SNX31: variants seen among roughly 807,000 people sequenced by gnomAD.
SNX31 encodes sorting nexin-31.
In SNX31, 58 loss-of-function variants were observed where a neutral mutation model predicts 65.4. That is an observed-to-expected ratio of 0.89 (90% confidence interval 0.72 to 1.10). The LOEUF (loss-of-function observed/expected upper bound fraction) is 1.10, where lower values mean the gene tolerates loss of function less well. Ranked by LOEUF, SNX31 falls within the 50% of genes least tolerant of loss-of-function variation. SNX31 has a pLI of 0.00. For missense variants in SNX31, 523 were observed against 529.7 expected (o/e 0.99, Z 0.12); for synonymous variants, 181 against 190.1 (o/e 0.95, Z 0.39).
rs1819765675 is a variant in SNX31, at chr8:100,648,132, G to T, written c.141+1142C>A. Reference sequence around the variant, plus strand: ...TGCACTGTGATGTATGAGCAAGAAGGCTTGCTACAGTGACAATTTAATAGC... The same window carrying T: ...TGCACTGTGATGTATGAGCAAGAAGTCTTGCTACAGTGACAATTTAATAGC... On this transcript the variant is annotated intron_variant, in intron 2 of 13. Coordinates refer to ENST00000311812, the MANE Select transcript of SNX31 (RefSeq NM_152628.4). The surrounding 1 kb of genome is among the most constrained non-coding windows in gnomAD (Gnocchi z 4.3). Among the ~76,000 whole-genome samples, 2 of 152,156 alleles carry T rather than the reference G, an allele frequency of 1.3e-5. No individual in the cohort carries two copies. The highest frequency in any genetic ancestry group is 4.8e-5 in the African/African-American group (2 of 41,436).
At chr8:100,587,324 A>G (rs1814134492) in intron 11 of SNX31, among the ~76,000 whole-genome samples, 1 of 152,138 alleles carries the variant, frequency 6.6e-6, no homozygotes, top group Non-Finnish European at 1.5e-5. Context: ...AAAATGTGAA[A>G]CTTTTTGAGC....
At chr8:100,659,381 TG>T (rs1320534149) in intron 1 of SNX31, among the ~76,000 whole-genome samples, 1 of 115,480 alleles carries the variant, frequency 8.7e-6, no homozygotes, top group South Asian at 2.8e-4. Context: ...AAAAAAAGCG[TG>T]GGGGGACATC....
chr8:100,581,668 G>A lies in SNX31; in HGVS notation c.1170+2443C>T, dbSNP rs74407679. Among the ~76,000 whole-genome samples, 476 of 152,060 alleles carry A rather than the reference G, an allele frequency of 3.1e-3. 3 individuals are homozygous for A. Among genetic ancestry groups the A allele is most frequent in the African/African-American group, 9.3e-3 (387 of 41,436 alleles). Reference sequence around the variant, plus strand: ...TTAAGATGATCAAAATCTTGGACTCGGAACCTGCCCTGCAAAATAGAGACC... The same window carrying A: ...TTAAGATGATCAAAATCTTGGACTCAGAACCTGCCCTGCAAAATAGAGACC... On this transcript the variant is annotated intron_variant, in intron 12 of 13. Coordinates refer to ENST00000311812, the MANE Select transcript of SNX31 (RefSeq NM_152628.4).
At chr8:100,632,596 G>A (rs1050774596) in intron 3 of SNX31, among the ~76,000 whole-genome samples, 1 of 151,974 alleles carries the variant, frequency 6.6e-6, no homozygotes, top group South Asian at 2.1e-4. Context: ...AGCTACAAAG[G>A]ACATTAGTAT....
intron 1 of SNX31, among the ~76,000 whole-genome samples, chr8:100,661,666 C>CTA (rs1041254842): frequency 6.6e-6 from 1 of 151,202 alleles, no homozygotes; most frequent in Non-Finnish European, 1.5e-5. Context: ...GGAGCTGGGA[C>CTA]TATAACATGC....
chr8:100,619,518 A>C (rs1357119448), intron 4 of SNX31, among the ~76,000 whole-genome samples: 4 of 152,222 alleles, frequency 2.6e-5, no homozygotes, highest in Non-Finnish European at 4.4e-5. Context: ...AGGCCATCAG[A>C]GTTCAGGGAA....
chr8:100,647,324 G>A (rs969940608), intron 2 of SNX31, among the ~76,000 whole-genome samples: 1 of 152,102 alleles, frequency 6.6e-6, no homozygotes, highest in Non-Finnish European at 1.5e-5. Context: ...AGGGCACTGA[G>A]CCATGGTAAT....
intron 1 of SNX31, among the ~76,000 whole-genome samples, chr8:100,659,947 A>C (rs1454946646): frequency 6.6e-6 from 1 of 152,048 alleles, no homozygotes; most frequent in Non-Finnish European, 1.5e-5. Flanking sequence ...TCTTTGATCT[A>C]CTGACACCTC....
intron 5 of SNX31, among the ~76,000 whole-genome samples, chr8:100,616,815 G>C (rs1817246090): frequency 6.6e-6 from 1 of 152,168 alleles, no homozygotes; most frequent in South Asian, 2.1e-4. Context: ...GCTCAGAAAG[G>C]GTCAGACACC....
chr8:100,596,857 G>A lies in SNX31; in HGVS notation c.775-15C>T, dbSNP rs1353166543. 2 of 1,612,282 alleles carry A rather than the reference G, an allele frequency of 1.2e-6. No individual in the cohort carries two copies. Among genetic ancestry groups the A allele is most frequent in the African/African-American group, 2.7e-5 (2 of 74,862 alleles). On this transcript the variant is annotated splice_polypyrimidine_tract_variant and intron_variant, in intron 9 of 13. Coordinates refer to ENST00000311812, the MANE Select transcript of SNX31 (RefSeq NM_152628.4). ...AGCTCCAAAAACTGCTCCAAAGAGG[G>A]TGATGTGGGGGGAGGGGAGGCAAGA...
intron 2 of SNX31, among the ~76,000 whole-genome samples, chr8:100,645,661 G>A (rs1819580054): frequency 7.0e-6 from 1 of 142,576 alleles, no homozygotes; most frequent in African/African-American, 2.7e-5. Flanking sequence ...ACCCAGGTTG[G>A]AGTGCAGTGG....
In SNX31 at chr8:100,649,462, C is replaced by T; in HGVS notation, c.53G>A (p.Gly18Glu). The change falls in exon 1 of 14, where the codon GGG (glycine) becomes GAG (glutamate). Residue 18 changes from glycine to glutamate, a missense_variant. By Grantham distance (98) the Gly-to-Glu change is moderately conservative. Coordinates refer to ENST00000311812, the MANE Select transcript of SNX31 (RefSeq NM_152628.4). ...PVSQQRSDAL[G>E]GRYVLYSVHL... ...CCCTGGGCGCACCACGTAGCGGCCC[C>T]CCAGCGCGTCGGACCGCTGCTGGGA... 4 of 1,587,958 alleles carry T rather than the reference C, an allele frequency of 2.5e-6. No homozygotes were observed. Among genetic ancestry groups the T allele is most frequent in the Non-Finnish European group, 3.4e-6 (4 of 1,167,900 alleles).
At chr8:100,601,588 C>T (rs1815630663) in intron 8 of SNX31, among the ~76,000 whole-genome samples, 1 of 152,098 alleles carries the variant, frequency 6.6e-6, no homozygotes, top group Admixed American at 6.6e-5. Flanking sequence ...TGAACTCTTC[C>T]ACATTTGCAA....
In SNX31 at chr8:100,575,222, G is replaced by A. The variant is rs1358660272; in HGVS notation, c.1228-1262C>T. On this transcript the variant is annotated intron_variant, in intron 13 of 13. Coordinates refer to ENST00000311812, the MANE Select transcript of SNX31 (RefSeq NM_152628.4). The surrounding 1 kb of genome is among the most constrained non-coding windows in gnomAD (Gnocchi z 5.1). ...TAAAGACTGCTTGGGTTCAAATACT[G>A]GCTCTGATATTAACTGACTGTGTGA... 1.3e-5 allele frequency among the ~76,000 whole-genome samples: 2 copies of A among 152,144 alleles called. No individual in the cohort carries two copies. The highest frequency in any genetic ancestry group is 3.9e-4 in the East Asian group (2 of 5,190).
intron 12 of SNX31, among the ~76,000 whole-genome samples, chr8:100,581,852 G>T (rs1813587026): frequency 6.6e-6 from 1 of 152,154 alleles, no homozygotes; most frequent in Non-Finnish European, 1.5e-5. Flanking sequence ...AGGGGGCCCA[G>T]CACTCAGGAT....
At chr8:100,586,061 C>A (rs766163143) in intron 11 of SNX31, among the ~76,000 whole-genome samples, 53 of 152,256 alleles carry the variant, frequency 3.5e-4, no homozygotes, top group Admixed American at 6.5e-4. Flanking sequence ...GCTGGGATTA[C>A]AGGTGCCTGC....
At chr8:100,624,879 G>A (rs371810977) in intron 4 of SNX31, among the ~76,000 whole-genome samples, 4 of 151,988 alleles carry the variant, frequency 2.6e-5, no homozygotes, top group East Asian at 3.9e-4. Flanking sequence ...ATAGCTCACC[G>A]TAGCCTCAAA....
chr8:100,632,970 C>T (rs1000603414), intron 3 of SNX31, among the ~76,000 whole-genome samples: 1 of 152,064 alleles, frequency 6.6e-6, no homozygotes, highest in African/African-American at 2.4e-5. Flanking sequence ...TGTTGCCCAG[C>T]ATGGAGTGCA....
Position 100,573,769 on chromosome 8 carries a change from T to C in SNX31, c.*96A>G. On this transcript the variant is annotated 3_prime_UTR_variant, in exon 14 of 14. Transcript: ENST00000311812. Reference sequence around the variant, plus strand: ...CCAAAAAAATGGGAAGAGGTCAAATTTCCTCCACTGATGGTAGGTAGCCCA... The same window carrying C: ...CCAAAAAAATGGGAAGAGGTCAAATCTCCTCCACTGATGGTAGGTAGCCCA... 2.7e-6 allele frequency: 2 copies of C among 751,816 alleles called. No individual in the cohort carries two copies. The highest frequency in any genetic ancestry group is 4.3e-5 in the South Asian group (2 of 46,876). 46.6% of individuals were successfully genotyped at this position (751,816 alleles called of 1,614,324 possible).
Sources: gnomAD v4.1 joint callset for allele counts (sites outside exome capture counted in the v4.1 genomes callset) on GRCh38, gnomAD v4.1.1 for gene constraint, Gnocchi (gnomAD v3.1) non-coding constraint, MANE v1.5 for transcripts, NCBI Gene and HGNC (gene_info 2026-07-23, HGNC 2026-07-21) for gene names.